Variants in GABRG3 observed in about 807,000 individuals in gnomAD.
GABRG3 encodes gamma-aminobutyric acid receptor subunit gamma-3.
In GABRG3, 25 loss-of-function variants were observed where a neutral mutation model predicts 48.8. The ratio of observed to expected loss-of-function variants is 0.51; its 90% CI spans 0.37 to 0.72. The LOEUF (loss-of-function observed/expected upper bound fraction) is 0.72, where lower values mean the gene tolerates loss of function less well. GABRG3 is among the 30% of genes least tolerant of loss of function. The pLI is 0.00. For synonymous variants in GABRG3, 227 were observed against 217.6 expected (o/e 1.04, Z -0.38); for missense variants, 394 against 577.9 (o/e 0.68, Z 3.26).
At chr15:27,279,355 A>G (rs1891360202) in intron 3 of GABRG3, among the ~76,000 whole-genome samples, 1 of 151,736 alleles carries the variant, frequency 6.6e-6, no homozygotes, top group South Asian at 2.1e-4. Flanking sequence ...CATCTTGAAG[A>G]TTTTCTCTTA....
At chr15:27,164,146 A>G (rs1034011364) in intron 3 of GABRG3, among the ~76,000 whole-genome samples, 2 of 152,238 alleles carry the variant, frequency 1.3e-5, no homozygotes, top group African/African-American at 2.4e-5. Context: ...GAAGAATAGT[A>G]TAATAGACAC....
At chr15:27,407,823 G>A (rs2140595537) in intron 5 of GABRG3, among the ~76,000 whole-genome samples, 1 of 152,312 alleles carries the variant, frequency 6.6e-6, no homozygotes, top group African/African-American at 2.4e-5. Flanking sequence ...GGAGGAAAGT[G>A]GATGAATAGG....
intron 3 of GABRG3, among the ~76,000 whole-genome samples, chr15:27,242,944 A>T (rs770793910): frequency 6.6e-6 from 1 of 152,216 alleles, no homozygotes; most frequent in African/African-American, 2.4e-5. Flanking sequence ...CTTAGGACAT[A>T]TTTAATTTAT....
intron 2 of GABRG3, among the ~76,000 whole-genome samples, chr15:27,017,261 TA>T (rs1231385832): frequency 2.0e-5 from 3 of 152,202 alleles, no homozygotes; most frequent in African/African-American, 7.2e-5. Flanking sequence ...GCACACTTAA[TA>T]TATTAGGTTG....
intron 3 of GABRG3, among the ~76,000 whole-genome samples, chr15:27,165,460 T>G (rs1887341716): frequency 2.0e-5 from 3 of 152,204 alleles, no homozygotes; most frequent in Non-Finnish European, 2.9e-5. Context: ...AGGTTCTAGT[T>G]CTTGTCATGC....
chr15:27,046,870 G>T (rs1431995665), intron 3 of GABRG3, among the ~76,000 whole-genome samples: 3 of 151,998 alleles, frequency 2.0e-5, no homozygotes, highest in African/African-American at 7.2e-5. Context: ...AACACTTAGA[G>T]GAATTTGATG....
intron 5 of GABRG3, among the ~76,000 whole-genome samples, chr15:27,368,260 G>C (rs1174105424): frequency 6.6e-6 from 1 of 152,190 alleles, no homozygotes; most frequent in African/African-American, 2.4e-5. Context: ...AGTTTGAACT[G>C]GTTCCTAAAG....
chr15:27,329,970 G>A (rs1359969519), intron 5 of GABRG3, among the ~76,000 whole-genome samples: 1 of 152,140 alleles, frequency 6.6e-6, no homozygotes, highest in Admixed American at 6.5e-5. Flanking sequence ...GGCTGGGCGT[G>A]GTGGCTCACG....
Position 27,468,466 on chromosome 15 carries a change from C to T in GABRG3, c.575-12184C>T, listed in dbSNP as rs181561611. Among the ~76,000 whole-genome samples the T allele has an allele frequency of 1.1e-4, 17 of 152,224 alleles. No homozygotes were observed. In the East Asian group the frequency reaches 3.1e-3, roughly 28 times the overall value. ...GTTGATAATGAGGTCCTAGGGGAAA[C>T]CTAAGTCAAATTCAGTGCCGTGTTG... On this transcript the variant is annotated intron_variant, in intron 5 of 9. Coordinates refer to ENST00000615808, the MANE Select transcript of GABRG3 (RefSeq NM_033223.5).
chr15:27,509,767 G>T (rs1890853664), intron 6 of GABRG3, among the ~76,000 whole-genome samples: 1 of 151,758 alleles, frequency 6.6e-6, no homozygotes, highest in African/African-American at 2.4e-5. Context: ...CACCTCTTTG[G>T]TCTTGCATGT....
intron 5 of GABRG3, among the ~76,000 whole-genome samples, chr15:27,344,230 G>A (rs1484202850): frequency 1.3e-5 from 2 of 152,346 alleles, no homozygotes; most frequent in East Asian, 1.9e-4. Context: ...TCTTGTACTA[G>A]CATATATGGG....
At chr15:27,376,149 T>C (rs1447752769) in intron 5 of GABRG3, among the ~76,000 whole-genome samples, 1 of 152,102 alleles carries the variant, frequency 6.6e-6, no homozygotes, top group Non-Finnish European at 1.5e-5. Context: ...ACCTTAAAGC[T>C]CCAAAATAAT....
intron 3 of GABRG3, among the ~76,000 whole-genome samples, chr15:27,251,114 A>G (rs966059381): frequency 6.6e-6 from 1 of 152,152 alleles, no homozygotes; most frequent in Admixed American, 6.5e-5. Flanking sequence ...TGGACTAGTG[A>G]CTGGGAAGGT....
At chr15:27,307,578 CAGGTTT>C (rs1353739187) in intron 3 of GABRG3, among the ~76,000 whole-genome samples, 209 of 9,146 alleles carry the variant, frequency 0.023, no homozygotes, top group African/African-American at 0.024. Flanking sequence ...TATATATAAA[CAGGTTT>C]ATAGGTTTAT....
chr15:27,368,482 C>A (rs1895286125), intron 5 of GABRG3, among the ~76,000 whole-genome samples: 2 of 152,342 alleles, frequency 1.3e-5, no homozygotes, highest in South Asian at 4.1e-4. Context: ...TATTGCATAG[C>A]ATGAATAATT....
intron 5 of GABRG3, among the ~76,000 whole-genome samples, chr15:27,351,086 G>A (rs1454871172): frequency 7.0e-6 from 1 of 143,216 alleles, no homozygotes; most frequent in Middle Eastern, 3.3e-3. Flanking sequence ...TGTGTGTATA[G>A]TGTGTGTATG....
Position 27,537,055 on chromosome 15 carries a change from A to G in GABRG3, c.*4174A>G, listed in dbSNP as rs1595818630. ...TTGGAATTCACTCCATGATCTTGCA[A>G]CTCTTTTTGAGTGCTTTTCCTGAGC... On this transcript the variant is annotated 3_prime_UTR_variant, in exon 10 of 10. Transcript: ENST00000615808. The G allele has an allele frequency of 1.3e-5, 2 of 150,812 alleles. 1 individual carries two copies. Among genetic ancestry groups the G allele is most frequent in the East Asian group, 3.9e-4 (2 of 5,108 alleles). The allele number at this position is 150,812 out of a possible 1,614,324, so 9.3% of individuals were successfully genotyped here.
rs1361673343 is a variant in GABRG3 at position 27,307,710 on chromosome 15, CCT to C, written c.271-19098_271-19097del. Among the ~76,000 whole-genome samples, 10 of 109,388 alleles carry C rather than the reference CCT, an allele frequency of 9.1e-5. 1 individual carries two copies. Among genetic ancestry groups the C allele is most frequent in the African/African-American group, 3.5e-4 (9 of 25,798 alleles). 71.8% of individuals were successfully genotyped at this position (109,388 alleles called of 152,430 possible). ...TTATGTTTATATATTTATATATAAA[CCT>C]ATAGGTTTATATATAAATATATAAT... On this transcript the variant is annotated intron_variant, in intron 3 of 9. Transcript: ENST00000615808.
At chr15:27,324,677 C>T (rs966794911) in intron 3 of GABRG3, among the ~76,000 whole-genome samples, 8 of 152,176 alleles carry the variant, frequency 5.3e-5, no homozygotes, top group African/African-American at 1.7e-4. Flanking sequence ...GGCAGAACTT[C>T]CTTAAAACCG....
Sources: gnomAD v4.1 joint callset for allele counts (sites outside exome capture counted in the v4.1 genomes callset) on GRCh38, gnomAD v4.1.1 for gene constraint, MANE v1.5 for transcripts, NCBI Gene and HGNC (gene_info 2026-07-23, HGNC 2026-07-21) for gene names.